The following SLC9A9 variants were observed in gnomAD, a reference collection of about 807,000 sequenced individuals.
SLC9A9 encodes sodium/hydrogen exchanger 9.
A neutral mutation model predicts 77.8 loss-of-function variants in SLC9A9; 62 were observed. The ratio of observed to expected loss-of-function variants is 0.80; its 90% confidence interval spans 0.65 to 0.98. The LOEUF (loss-of-function observed/expected upper bound fraction) is 0.98, where lower values mean the gene tolerates loss of function less well. SLC9A9 is among the 50% of genes least tolerant of loss of function. The pLI, the probability that SLC9A9 is intolerant of heterozygous loss-of-function variation, is 0.00. For missense variants in SLC9A9, 775 were observed against 774.9 expected, an observed-to-expected ratio of 1.00 and a Z score of 0.00; for synonymous variants, 320 against 283.5, an observed-to-expected ratio of 1.13 and a Z score of -1.29.
At chr3:143,437,455 G>A (rs1005943585) in intron 12 of SLC9A9, among the ~76,000 whole-genome samples, 1 of 152,238 alleles carries the variant, frequency 6.6e-6, no homozygotes, top group African/African-American at 2.4e-5. Context: ...CAAGGGCCCT[G>A]TCATACCCAG....
rs36147058 is a variant in SLC9A9, at chr3:143,400,720, CAAAAA to C, written c.1470-18611_1470-18607del. Reference sequence around the variant, plus strand: ...AAAAAAACTTTTGACTGAATTTATGCAAAAAAAAAAAAAAAAAAGGTAATTCATTC... The same window carrying C: ...AAAAAAACTTTTGACTGAATTTATGCAAAAAAAAAAAAAGGTAATTCATTC... On this transcript the variant is annotated intron_variant, in intron 12 of 15. Transcript: ENST00000316549. Among the ~76,000 whole-genome samples the C allele has an allele frequency of 2.3e-3, 314 of 137,412 alleles. 2 individuals are homozygous for C. Among genetic ancestry groups the C allele is most frequent in the South Asian group, 7.5e-3 (32 of 4,272 alleles). The allele number at this position is 137,412 out of a possible 152,430, so 90.1% of individuals were successfully genotyped here. A position where few individuals can be genotyped will look rare whatever the true frequency, so the allele number is the denominator to read the frequency against.
intron 12 of SLC9A9, among the ~76,000 whole-genome samples, chr3:143,419,412 TCTCTAAGTCA>T (rs2034256982): frequency 6.6e-6 from 1 of 152,178 alleles, no homozygotes; most frequent in Non-Finnish European, 1.5e-5. Flanking sequence ...CCTCTAAGTT[TCTCTAAGTCA>T]CTCTTGAAAA....
At chr3:143,526,590 C>T (rs943294538) in intron 9 of SLC9A9, among the ~76,000 whole-genome samples, 23 of 152,266 alleles carry the variant, frequency 1.5e-4, no homozygotes, top group Non-Finnish European at 3.4e-4. Context: ...GCTGCTGCAT[C>T]CTGCCTCCTC....
At chr3:143,804,425 C>T (rs113061045) in intron 2 of SLC9A9, among the ~76,000 whole-genome samples, 5,789 of 152,226 alleles carry the variant, frequency 0.038, 179 homozygotes, top group African/African-American at 0.084. Context: ...CAAACCTCCC[C>T]CTCTAAGCAG....
At chr3:143,813,543 C>T (rs1055797722) in intron 2 of SLC9A9, among the ~76,000 whole-genome samples, 1 of 152,124 alleles carries the variant, frequency 6.6e-6, no homozygotes, top group Non-Finnish European at 1.5e-5. Context: ...TCTCTTCCTC[C>T]CGCTCCCAAA....
intron 6 of SLC9A9, among the ~76,000 whole-genome samples, chr3:143,593,305 G>T (rs2037687517): frequency 6.6e-6 from 1 of 152,146 alleles, no homozygotes; most frequent in African/African-American, 2.4e-5. Flanking sequence ...TCTCTCTGTA[G>T]TTTTTATTGA....
At chr3:143,573,966 C>T in intron 8 of SLC9A9, 122 bp downstream of exon 8, 1 of 813,262 alleles carries the variant, frequency 1.2e-6, no homozygotes, top group Admixed American at 2.0e-5. Flanking sequence ...CTGACCCAAA[C>T]CATTCACATG....
chr3:143,394,900 A>T (rs1188593416), intron 12 of SLC9A9, among the ~76,000 whole-genome samples: 1 of 152,230 alleles, frequency 6.6e-6, no homozygotes, highest in African/African-American at 2.4e-5. Context: ...AGGGATGTGA[A>T]GGACCTCTTC....
At chr3:143,764,914 C>A (rs1039838990) in intron 4 of SLC9A9, among the ~76,000 whole-genome samples, 1 of 151,996 alleles carries the variant, frequency 6.6e-6, no homozygotes, top group Non-Finnish European at 1.5e-5. Context: ...GAGTCCATCA[C>A]CAATTAAACC....
At chr3:143,795,154 T>C (rs1427693822) in intron 3 of SLC9A9, 77 bp from the exon 4 acceptor site, 4 of 1,379,482 alleles carry the variant, frequency 2.9e-6, no homozygotes, top group South Asian at 1.2e-5. Flanking sequence ...AATAAATGTA[T>C]GCAGTTCACA....
At chr3:143,371,924 T>G in intron 13 of SLC9A9, 1 of 368,222 alleles carries the variant, frequency 2.7e-6, no homozygotes, top group Non-Finnish European at 5.3e-6. Flanking sequence ...ATACCAACAG[T>G]GACCAAGCTG....
intron 7 of SLC9A9, among the ~76,000 whole-genome samples, chr3:143,576,567 T>C (rs1208263473): frequency 6.6e-6 from 1 of 152,130 alleles, no homozygotes; most frequent in Non-Finnish European, 1.5e-5. Flanking sequence ...TGTTACTCAC[T>C]CTAAACAACA....
intron 4 of SLC9A9, among the ~76,000 whole-genome samples, chr3:143,727,569 A>AGTGAATCAT (rs947980916): frequency 1.3e-5 from 2 of 152,108 alleles, no homozygotes; most frequent in Admixed American, 1.3e-4. Context: ...ATTACTCTTT[A>AGTGAATCAT]GTGAATCATA....
intron 9 of SLC9A9, among the ~76,000 whole-genome samples, chr3:143,549,767 C>G (rs2036848569): frequency 6.6e-6 from 1 of 152,054 alleles, no homozygotes; most frequent in East Asian, 1.9e-4. Flanking sequence ...GCTGAGCAGT[C>G]TAGATAGAAT....
At chr3:143,328,130 C>T (rs1015450260) in intron 14 of SLC9A9, among the ~76,000 whole-genome samples, 6 of 152,122 alleles carry the variant, frequency 3.9e-5, no homozygotes, top group African/African-American at 1.2e-4. Flanking sequence ...GTGGTAGATA[C>T]ATGTCATTAC....
At chr3:143,775,424 T>C (rs2007657272) in intron 4 of SLC9A9, among the ~76,000 whole-genome samples, 1 of 152,330 alleles carries the variant, frequency 6.6e-6, no homozygotes, top group Middle Eastern at 3.4e-3. Flanking sequence ...GTCAACTCTG[T>C]CTGGAGAAAT....
At chr3:143,661,337 C>A (rs1056568857) in intron 5 of SLC9A9, among the ~76,000 whole-genome samples, 1 of 152,102 alleles carries the variant, frequency 6.6e-6, no homozygotes, top group Non-Finnish European at 1.5e-5. Context: ...TAAAACTTAA[C>A]AAGAACATAA....
chr3:143,560,717 A>C (rs1274674615), intron 8 of SLC9A9, among the ~76,000 whole-genome samples: 2 of 118,196 alleles, frequency 1.7e-5, no homozygotes, highest in African/African-American at 7.6e-5. Flanking sequence ...AGTTGAATAA[A>C]ACTTTTTCCT....
At chr3:143,833,385 A>G (rs1294562705) in intron 1 of SLC9A9, among the ~76,000 whole-genome samples, 1 of 152,218 alleles carries the variant, frequency 6.6e-6, no homozygotes, top group East Asian at 1.9e-4. Context: ...TGAACAAACA[A>G]TTATAATAAA....
Sources: gnomAD v4.1 joint callset for allele counts (sites outside exome capture counted in the v4.1 genomes callset) on GRCh38, gnomAD v4.1.1 for gene constraint, MANE v1.5 for transcripts, NCBI Gene and HGNC (gene_info 2026-07-23, HGNC 2026-07-21) for gene names.